The following KLF13 variants were observed in gnomAD, a reference collection of about 807,000 sequenced individuals.
KLF13 encodes Krueppel-like factor 13.
KLF13 carries 8 observed loss-of-function variants against 16.7 expected under a neutral mutation model. The observed-to-expected ratio is 0.48, with a 90% CI of 0.28 to 0.87. The LOEUF (loss-of-function observed/expected upper bound fraction) is 0.87, where lower values mean the gene tolerates loss of function less well. KLF13 is among the 40% of genes least tolerant of loss of function. The probability of loss-of-function intolerance (pLI) is 0.10; values close to 1 mark genes in which losing one functional copy is unlikely to be tolerated. For missense variants in KLF13, 447 were observed against 452.2 expected, an observed-to-expected ratio of 0.99 and a Z score of 0.10; for synonymous variants, 245 against 208.4, an observed-to-expected ratio of 1.18 and a Z score of -1.51.
At position 31,327,225 on chromosome 15, in the gene KLF13, G is replaced by C. The variant is rs1390677741; in HGVS notation, c.13G>C (p.Ala5Pro). The C allele has an allele frequency of 3.7e-6, 5 of 1,350,592 alleles. No individual in the cohort carries two copies. Among genetic ancestry groups the C allele is most frequent in the Admixed American group, 3.3e-5 (1 of 30,202 alleles). 83.7% of individuals were successfully genotyped at this position (1,350,592 alleles called of 1,614,324 possible). Residue 5 changes from alanine (A) to proline (P), a missense_variant, in exon 1 of 2, where the codon GCC becomes CCC. Ala to Pro is a conservative substitution (Grantham distance 27, BLOSUM62 -1). Coordinates refer to ENST00000307145, the MANE Select transcript of KLF13 (RefSeq NM_015995.4). MAAA[A>P]YVDHFAAECL... Reference sequence around the variant, plus strand: ...CCCAGCCCGCAGCATGGCAGCCGCCGCCTATGTGGACCACTTCGCCGCCGA... The same window carrying C: ...CCCAGCCCGCAGCATGGCAGCCGCCCCCTATGTGGACCACTTCGCCGCCGA...
chr15:31,360,094 A>G (rs1288313278), intron 1 of KLF13, among the ~76,000 whole-genome samples: 2 of 152,160 alleles, frequency 1.3e-5, no homozygotes, highest in Non-Finnish European at 2.9e-5. Flanking sequence ...CCAACCTTGA[A>G]GCTTCTGGGG....
Position 31,372,411 on chromosome 15 carries a change from T to A in KLF13, c.*112T>A. ...GATGCAAAGTCCACGAAAAAACAATTTTTTTCACCTCAGGTGTCAAAGTAA... is the reference window on the plus strand; with the variant it reads ...GATGCAAAGTCCACGAAAAAACAATATTTTTCACCTCAGGTGTCAAAGTAA... On this transcript the variant is annotated 3_prime_UTR_variant, in exon 2 of 2. Transcript: ENST00000307145. 1 of 1,162,712 alleles carries A rather than the reference T, an allele frequency of 8.6e-7. No homozygotes were observed. The highest frequency in any genetic ancestry group is 1.1e-6 in the Non-Finnish European group (1 of 889,560). 72.0% of individuals were successfully genotyped at this position (1,162,712 alleles called of 1,614,324 possible).
intron 1 of KLF13, among the ~76,000 whole-genome samples, chr15:31,365,361 A>G (rs916099968): frequency 3.9e-5 from 6 of 152,126 alleles, no homozygotes; most frequent in Non-Finnish European, 8.8e-5. Context: ...TTGCCTTTCC[A>G]GGACCTCCCG....
At chr15:31,355,511 G>C (rs1347515274) in intron 1 of KLF13, among the ~76,000 whole-genome samples, 2 of 152,148 alleles carry the variant, frequency 1.3e-5, no homozygotes, top group Non-Finnish European at 2.9e-5. Flanking sequence ...CCCACCATCT[G>C]CCAGCTTCTT....
At chr15:31,433,899 C>T (rs565971563) in intron 1 of KLF13, among the ~76,000 whole-genome samples, 13 of 152,374 alleles carry the variant, frequency 8.5e-5, no homozygotes, top group African/African-American at 2.6e-4. Flanking sequence ...TTGCCTAGCT[C>T]AGGGTCTTAT....
intron 1 of KLF13, among the ~76,000 whole-genome samples, chr15:31,340,657 G>A (rs754735154): frequency 1.3e-5 from 2 of 152,196 alleles, no homozygotes; most frequent in African/African-American, 4.8e-5. Context: ...ACTTTGGGAG[G>A]CTGAGGCAGG....
At chr15:31,422,941 G>A (rs889200457) in intron 1 of KLF13, among the ~76,000 whole-genome samples, 1 of 151,416 alleles carries the variant, frequency 6.6e-6, no homozygotes. Flanking sequence ...GGGGGCTGAG[G>A]CAGGAGAATC....
chr15:31,345,972 T>C (rs915569420), intron 1 of KLF13, among the ~76,000 whole-genome samples: 1 of 151,332 alleles, frequency 6.6e-6, no homozygotes, highest in African/African-American at 2.4e-5. Context: ...AGAGGAAGAG[T>C]ATCTGAGCTC....
In KLF13 at chr15:31,374,138, C is replaced by T. The variant is rs2039604867; in HGVS notation, c.*1839C>T. The stretch of plus-strand genomic sequence containing the variant: ...AGCTGATGGTCACTGTTTTGGCTGG[C>T]TCCAGAGTGGACAGGTACGCTCTGT... On this transcript the variant is annotated 3_prime_UTR_variant, in exon 2 of 2. Coordinates refer to ENST00000307145, the MANE Select transcript of KLF13 (RefSeq NM_015995.4). The T allele has an allele frequency of 6.5e-6, 1 of 152,678 alleles. No homozygotes were observed. The highest frequency in any genetic ancestry group is 2.4e-5 in the African/African-American group (1 of 41,438). The allele number at this position is 152,678 out of a possible 1,614,324, so 9.5% of individuals were successfully genotyped here.
At chr15:31,385,978 G>C (rs2039791792) in intron 1 of KLF13, among the ~76,000 whole-genome samples, 1 of 152,246 alleles carries the variant, frequency 6.6e-6, no homozygotes, top group Non-Finnish European at 1.5e-5. Flanking sequence ...GTTAACTCCA[G>C]TGAATGCATG....
At chr15:31,382,034 T>C (rs2039733708), downstream of KLF13, among the ~76,000 whole-genome samples, 1 of 152,216 alleles carries the variant, frequency 6.6e-6, no homozygotes. Flanking sequence ...GCATGGTCTG[T>C]GTGGGGTCAT....
At chr15:31,370,396 T>A (rs1276484220) in intron 1 of KLF13, among the ~76,000 whole-genome samples, 4 of 152,056 alleles carry the variant, frequency 2.6e-5, no homozygotes, top group Non-Finnish European at 5.9e-5. Context: ...CACAATGCTG[T>A]TTTCAATTCC....
At chr15:31,392,279 T>C (rs2039882538), upstream of KLF13, among the ~76,000 whole-genome samples, 1 of 152,236 alleles carries the variant, frequency 6.6e-6, no homozygotes, top group Admixed American at 6.5e-5. Flanking sequence ...TCTGTCATTC[T>C]AAGTTTCTTC....
At chr15:31,352,006 C>T (rs984694487) in intron 1 of KLF13, among the ~76,000 whole-genome samples, 8 of 149,658 alleles carry the variant, frequency 5.3e-5, no homozygotes, top group African/African-American at 1.2e-4. Context: ...AGTGAGACTC[C>T]GTGTCAAAAA....
intron 1 of KLF13, among the ~76,000 whole-genome samples, chr15:31,331,881 C>T (rs1166250717): frequency 6.6e-6 from 1 of 152,206 alleles, no homozygotes; most frequent in East Asian, 1.9e-4. Flanking sequence ...TTGAAACATA[C>T]TTAAATAGGA....
At chr15:31,405,780 C>T (rs1268491922), downstream of KLF13, among the ~76,000 whole-genome samples, 1 of 152,126 alleles carries the variant, frequency 6.6e-6, no homozygotes, top group African/African-American at 2.4e-5. Context: ...GGACCCTTGG[C>T]AGCTATCTGT....
chr15:31,397,178 C>A (rs1334247940), intron 2 of KLF13, among the ~76,000 whole-genome samples: 3 of 144,872 alleles, frequency 2.1e-5, no homozygotes, highest in Non-Finnish European at 4.5e-5. Context: ...GGGTTGGGAA[C>A]AAGCCTGAGG....
At chr15:31,355,019 T>C (rs2039278126) in intron 1 of KLF13, among the ~76,000 whole-genome samples, 1 of 152,020 alleles carries the variant, frequency 6.6e-6, no homozygotes, top group Non-Finnish European at 1.5e-5. Context: ...ACCCCCGGGC[T>C]TGGGGTTGGA....
At chr15:31,328,819 G>C (rs931307462) in intron 1 of KLF13, among the ~76,000 whole-genome samples, 2 of 152,176 alleles carry the variant, frequency 1.3e-5, no homozygotes, top group South Asian at 2.1e-4. Context: ...TTGGTGTAAA[G>C]AATTGTATGC....
Sources: allele counts gnomAD v4.1 joint callset (sites outside exome capture counted in the v4.1 genomes callset), GRCh38; gene constraint gnomAD v4.1.1; transcripts MANE v1.5; gene names NCBI Gene and HGNC (gene_info 2026-07-23, HGNC 2026-07-21).